WDR49: variants seen among roughly 807,000 people sequenced by gnomAD.
WDR49 encodes WD repeat domain 49.
A neutral mutation model predicts 119.5 loss-of-function variants in WDR49; 107 were observed. The ratio of observed to expected loss-of-function variants is 0.90; its 90% CI spans 0.77 to 1.05. The LOEUF (loss-of-function observed/expected upper bound fraction) is 1.05. WDR49 is among the 50% of genes least tolerant of loss of function. WDR49 has a pLI of 0.00. For synonymous variants in WDR49, 425 were observed against 418.8 expected (o/e 1.01, Z -0.18); for missense variants, 1,240 against 1,220.5 (o/e 1.02, Z -0.24).
intron 2 of WDR49, among the ~76,000 whole-genome samples, chr3:167,649,313 A>T (rs924649609): frequency 2.0e-5 from 3 of 151,494 alleles, no homozygotes; most frequent in Admixed American, 6.6e-5. Context: ...AGGACAAGTT[A>T]AAAAAAAGGT....
intron 2 of WDR49, among the ~76,000 whole-genome samples, chr3:167,647,754 G>A (rs780172815): frequency 3.3e-5 from 5 of 152,292 alleles, no homozygotes; most frequent in East Asian, 1.9e-4. Flanking sequence ...ATACAGGTGA[G>A]ACTAAGCTTC....
At position 167,529,226 on chromosome 3, in the gene WDR49, C is replaced by CA. The variant is rs775143088; in HGVS notation, c.2231dup (p.Val745GlyfsTer16). On this transcript the variant is annotated frameshift_variant, in exon 14 of 19. Transcript: ENST00000682715. LOFTEE classifies it high-confidence loss of function. ...CATAACCAGATCCTCCACATGATAC[C>CA]AGGTTAGCTCCTCCTAACATGTAAG... is the stretch of plus-strand genomic sequence containing the variant. 2 of 1,585,686 alleles carry CA rather than the reference C, an allele frequency of 1.3e-6. No individual in the cohort carries two copies. The highest frequency in any genetic ancestry group is 1.7e-6 in the Non-Finnish European group (2 of 1,171,228).
chr3:167,563,340 C>A (rs1232471257), intron 8 of WDR49, among the ~76,000 whole-genome samples: 2 of 119,308 alleles, frequency 1.7e-5, no homozygotes, highest in East Asian at 4.6e-4. Flanking sequence ...GGCTACAGAG[C>A]GAGATTCTGA....
At chr3:167,523,275 C>G (rs1314031019) in intron 15 of WDR49, among the ~76,000 whole-genome samples, 6 of 151,870 alleles carry the variant, frequency 4.0e-5, no homozygotes, top group Admixed American at 3.9e-4. Context: ...GTAAATAAAA[C>G]TCACCCTCAG....
chr3:167,499,882 C>T (rs1209368510), intron 18 of WDR49, among the ~76,000 whole-genome samples: 8 of 152,074 alleles, frequency 5.3e-5, no homozygotes, highest in East Asian at 3.9e-4. Flanking sequence ...TTCTCATCCA[C>T]GGAAGATTCA....
intron 10 of WDR49, among the ~76,000 whole-genome samples, chr3:167,552,229 G>GACAC (rs1712620365): frequency 1.3e-5 from 2 of 152,038 alleles, no homozygotes; most frequent in East Asian, 3.9e-4. Flanking sequence ...ACATAACATA[G>GACAC]ACACTCTGAA....
intron 5 of WDR49, among the ~76,000 whole-genome samples, chr3:167,608,018 A>G (rs1303636556): frequency 6.6e-6 from 1 of 152,160 alleles, no homozygotes; most frequent in African/African-American, 2.4e-5. Flanking sequence ...ATTCGTTCCT[A>G]TAAAGGAGAA....
At position 167,510,800 on chromosome 3, in the gene WDR49, T is replaced by G. The variant is rs538457029; in HGVS notation, c.2775-5384A>C. 5.9e-5 allele frequency among the ~76,000 whole-genome samples: 9 copies of G among 152,172 alleles called. No homozygotes were observed. The South Asian group carries it at 1.9e-3, about 32-fold the overall frequency. On this transcript the variant is annotated intron_variant, in intron 16 of 18. Transcript: ENST00000682715. Reference sequence around the variant, plus strand: ...TCTTCATGTTTCTTGTTTCTTCTATTTTCTTTAGACTTTTTCTATTTTCCT... The same window carrying G: ...TCTTCATGTTTCTTGTTTCTTCTATGTTCTTTAGACTTTTTCTATTTTCCT...
intron 16 of WDR49, among the ~76,000 whole-genome samples, chr3:167,513,317 A>G (rs1752059979): frequency 6.6e-6 from 1 of 152,178 alleles, no homozygotes; most frequent in Admixed American, 6.5e-5. Flanking sequence ...AACATTCTTA[A>G]AGAAAAGAAT....
intron 18 of WDR49, among the ~76,000 whole-genome samples, chr3:167,488,261 AG>A (rs1304877165): frequency 1.3e-5 from 2 of 152,014 alleles, no homozygotes; most frequent in Non-Finnish European, 2.9e-5. Context: ...ATGAAGCTGT[AG>A]GATAAAATCC....
intron 8 of WDR49, among the ~76,000 whole-genome samples, chr3:167,571,980 G>A (rs1713963266): frequency 6.6e-6 from 1 of 152,160 alleles, no homozygotes; most frequent in South Asian, 2.1e-4. Flanking sequence ...GAGAATCATA[G>A]TGATAACACA....
At chr3:167,607,162 C>G (rs1284701353) in intron 5 of WDR49, among the ~76,000 whole-genome samples, 1 of 152,060 alleles carries the variant, frequency 6.6e-6, no homozygotes. Context: ...CCTTTATGGT[C>G]AGGAGGTTAC....
chr3:167,648,826 C>A (rs1718243555), intron 2 of WDR49, among the ~76,000 whole-genome samples: 1 of 152,186 alleles, frequency 6.6e-6, no homozygotes, highest in African/African-American at 2.4e-5. Context: ...TTGCTTGCAA[C>A]TGCTTACCCA....
chr3:167,618,522 A>T (rs1414388433), intron 5 of WDR49, among the ~76,000 whole-genome samples: 1 of 152,180 alleles, frequency 6.6e-6, no homozygotes, highest in African/African-American at 2.4e-5. Context: ...GATTATAATG[A>T]ATTTTTTATT....
At chr3:167,547,606 A>T (rs1712286906) in intron 10 of WDR49, among the ~76,000 whole-genome samples, 1 of 151,794 alleles carries the variant, frequency 6.6e-6, no homozygotes, top group South Asian at 2.1e-4. Flanking sequence ...CAGATACTGA[A>T]ATTGAAAAGG....
At position 167,620,438 on chromosome 3, in the gene WDR49, C is replaced by T. The variant is rs1224281337; in HGVS notation, c.949G>A (p.Val317Ile). The change falls in exon 5 of 19, where the codon GTC (valine) becomes ATC (isoleucine). Residue 317 changes from valine to isoleucine, a missense_variant. Physicochemically the swap from Val to Ile is conservative, Grantham distance 29. Transcript: ENST00000682715. ...TGTTCAAATTCAATACCTTGCCTGA[C>T]CCAATCTCCTTGATGAAGTTTATGC... Reference protein sequence around the residue: ...LEHKLHQGDWVRQVTYNASLD... With the variant: ...LEHKLHQGDWIRQVTYNASLD... 3 of 1,535,326 alleles carry T rather than the reference C, an allele frequency of 2.0e-6. No homozygotes were observed. The Admixed American group carries it at 5.9e-5, about 30-fold the overall frequency.
chr3:167,560,142 G>C lies in WDR49; in HGVS notation c.1596C>G (p.Gly532=). 6.2e-7 allele frequency: 1 copy of C among 1,614,166 alleles called. No homozygotes were observed. The highest frequency in any genetic ancestry group is 8.5e-7 in the Non-Finnish European group (1 of 1,180,020). ...QKIKQFTGCH[G]NAEISTMALD... ...GGGCCATAGTGCTGATTTCTGCGTT[G>C]CCGTGGCAACCAGTAAACTGTTTGA... The change falls in exon 9 of 19, where the codon GGC becomes GGG. Residue 532 remains glycine, a synonymous_variant. Transcript: ENST00000682715.
Position 167,522,305 on chromosome 3 carries a change from A to T in WDR49, c.2774+10T>A. ...CAGTTGACATCTGGCTAATGTTCAA[A>T]ATTACTTACTTGTATGTTGAGTCAT... On this transcript the variant is annotated intron_variant, in intron 16 of 18. Coordinates refer to ENST00000682715, the MANE Select transcript of WDR49 (RefSeq NM_001366157.1). 1 of 1,568,336 alleles carries T rather than the reference A, an allele frequency of 6.4e-7. No homozygotes were observed. The highest frequency in any genetic ancestry group is 8.6e-7 in the Non-Finnish European group (1 of 1,166,976).
chr3:167,528,003 G>T lies in WDR49; in HGVS notation c.2421C>A (p.Asn807Lys). 6.2e-7 allele frequency: 1 copy of T among 1,612,486 alleles called. No homozygotes were observed. The change falls in exon 15 of 19, where the codon AAC (asparagine) becomes AAA (lysine). Residue 807 changes from asparagine to lysine, a missense_variant. Asn to Lys is a moderately conservative substitution (Grantham distance 94). Transcript: ENST00000682715. ...KIWNIEEYCL[N>K]SSKNKITKAP... ...CCTTGGTGATTTTGTTCTTACTGGAGTTAAGACAGTACTCCTGAATGAAAA... is the reference window on the plus strand; with the variant it reads ...CCTTGGTGATTTTGTTCTTACTGGATTTAAGACAGTACTCCTGAATGAAAA...
Sources: gnomAD v4.1 joint callset for allele counts (sites outside exome capture counted in the v4.1 genomes callset) on GRCh38, gnomAD v4.1.1 for gene constraint, MANE v1.5 for transcripts, NCBI Gene and HGNC (gene_info 2026-07-23, HGNC 2026-07-21) for gene names.